FAM78B: variants seen among roughly 807,000 people sequenced by gnomAD.
FAM78B encodes family with sequence similarity 78 member B, also known as protein FAM78B.
Under a neutral mutation model 20.0 loss-of-function variants are expected in FAM78B, and 10 were observed. The ratio of observed to expected loss-of-function variants is 0.50; its 90% confidence interval spans 0.31 to 0.85. The LOEUF is 0.85. Among genes scored for constraint, FAM78B ranks in the 40% least tolerant of loss-of-function variants. The pLI, the probability that FAM78B is intolerant of heterozygous loss-of-function variation, is 0.05. For missense variants in FAM78B, 283 were observed against 345.0 expected, an observed-to-expected ratio of 0.82 and a Z score of 1.42; for synonymous variants, 135 against 132.8, an observed-to-expected ratio of 1.02 and a Z score of -0.12.
At chr1:166,118,469 A>G (rs1266565933) in intron 1 of FAM78B, among the ~76,000 whole-genome samples, 1 of 152,244 alleles carries the variant, frequency 6.6e-6, no homozygotes, top group African/African-American at 2.4e-5. Context: ...GATAAAACAT[A>G]TAGCTTTATT....
chr1:166,109,808 A>ATG (rs1653926673), intron 1 of FAM78B, among the ~76,000 whole-genome samples: 1 of 34,716 alleles, frequency 2.9e-5, no homozygotes, highest in African/African-American at 1.0e-4. Context: ...ATATATATGT[A>ATG]TATATGTATA....
chr1:166,082,218 C>A (rs1183487149), intron 1 of FAM78B, among the ~76,000 whole-genome samples: 1 of 152,126 alleles, frequency 6.6e-6, no homozygotes, highest in Admixed American at 6.5e-5. Flanking sequence ...TCATCCTCAC[C>A]CCCTCCCTTC....
chr1:166,076,378 C>T (rs1011964578), intron 1 of FAM78B, among the ~76,000 whole-genome samples: 4 of 152,096 alleles, frequency 2.6e-5, no homozygotes, highest in Admixed American at 6.6e-5. Flanking sequence ...TTGCACTTAC[C>T]GTTCATTTTG....
chr1:166,164,518 T>C (rs1488462751), intron 1 of FAM78B, among the ~76,000 whole-genome samples: 1 of 152,260 alleles, frequency 6.6e-6, no homozygotes, highest in Non-Finnish European at 1.5e-5. Flanking sequence ...TACAGTGTGC[T>C]GAGGCATATT....
chr1:166,102,699 T>A (rs1653581010), intron 1 of FAM78B, among the ~76,000 whole-genome samples: 1 of 152,126 alleles, frequency 6.6e-6, no homozygotes, highest in Non-Finnish European at 1.5e-5. Context: ...AGCACCCAGA[T>A]TCATAAAGCA....
chr1:166,156,677 T>C (rs1306712559), intron 1 of FAM78B, among the ~76,000 whole-genome samples: 2 of 152,210 alleles, frequency 1.3e-5, no homozygotes, highest in Non-Finnish European at 2.9e-5. Flanking sequence ...AAGAATAAAG[T>C]ACCTTAAAAA....
At chr1:166,078,982 A>G (rs2101720697) in intron 1 of FAM78B, among the ~76,000 whole-genome samples, 1 of 148,936 alleles carries the variant, frequency 6.7e-6, no homozygotes, top group South Asian at 2.1e-4. Flanking sequence ...CCCAGGCTAG[A>G]GCACAGTGGC....
intron 1 of FAM78B, among the ~76,000 whole-genome samples, chr1:166,101,689 C>G (rs1653524842): frequency 6.6e-6 from 1 of 152,106 alleles, no homozygotes; most frequent in South Asian, 2.1e-4. Context: ...AACAAAGCCT[C>G]CAAGAAATAT....
At chr1:166,117,858 G>A (rs1213095275) in intron 1 of FAM78B, among the ~76,000 whole-genome samples, 1 of 152,148 alleles carries the variant, frequency 6.6e-6, no homozygotes. Context: ...AGAGTCAGGA[G>A]CACAGCTGGA....
At chr1:166,075,892 C>A (rs903620420) in intron 1 of FAM78B, among the ~76,000 whole-genome samples, 2 of 152,184 alleles carry the variant, frequency 1.3e-5, no homozygotes, top group Admixed American at 1.3e-4. Flanking sequence ...TATTCACCTG[C>A]CCACTTGCCA....
chr1:166,101,753 G>A (rs376908275), intron 1 of FAM78B, among the ~76,000 whole-genome samples: 13 of 152,058 alleles, frequency 8.5e-5, no homozygotes, highest in African/African-American at 2.2e-4. Flanking sequence ...TGAAAGTGAC[G>A]GGGAGAATGG....
rs2101812355 is a variant in FAM78B at position 166,166,563 on chromosome 1, C to T, written c.-315G>A. The T allele has an allele frequency of 6.6e-6, 1 of 151,358 alleles. No homozygotes were observed. The highest frequency in any genetic ancestry group is 1.5e-5 in the Non-Finnish European group (1 of 67,988). 9.4% of individuals were successfully genotyped at this position (151,358 alleles called of 1,614,324 possible). ...CCCGGGCGGAGGGCAGGGAGGGGAG[C>T]GGCGCTGCGAGGAATGGTGCCCACC... On this transcript the variant is annotated 5_prime_UTR_variant, in exon 1 of 2. Transcript: ENST00000354422.
At chr1:166,058,645 A>G (rs1209560807) in exon 3 of FAM78B, 1 of 152,096 alleles carries the variant, frequency 6.6e-6, no homozygotes, top group Non-Finnish European at 1.5e-5. Flanking sequence ...CAAGTGAAAG[A>G]TAACAAAAGC....
intron 1 of FAM78B, among the ~76,000 whole-genome samples, chr1:166,112,309 C>A (rs796105458): frequency 4.6e-5 from 7 of 152,300 alleles, no homozygotes; most frequent in African/African-American, 1.7e-4. Context: ...CAAAGCAAAG[C>A]AGAATTCTAT....
chr1:166,147,956 T>C (rs1274789088), intron 1 of FAM78B: 1 of 152,186 alleles, frequency 6.6e-6, no homozygotes, highest in Admixed American at 6.5e-5. Flanking sequence ...CTTTTTAATG[T>C]TGCCTGCAAT....
At chr1:166,073,967 C>A (rs1181371797) in intron 1 of FAM78B, among the ~76,000 whole-genome samples, 2 of 152,204 alleles carry the variant, frequency 1.3e-5, no homozygotes, top group Non-Finnish European at 2.9e-5. Context: ...ACTCTTACTG[C>A]CTTCACTTAA....
rs11286787 is a variant in FAM78B, at chr1:166,092,032, ATTTT to A, written c.264-21273_264-21270del. ...GTGTGGTTAACATGATTGAGCCATC[ATTTT>A]TTTTTTTTTTTTTTGCAAAACAAAA... is the stretch of plus-strand genomic sequence containing the variant. On this transcript the variant is annotated intron_variant, in intron 1 of 1. Transcript: ENST00000354422. 1.2e-4 allele frequency among the ~76,000 whole-genome samples: 15 copies of A among 126,010 alleles called. No individual in the cohort carries two copies. In the East Asian group the frequency reaches 1.3e-3, roughly 11 times the overall value. The allele number at this position is 126,010 out of a possible 152,430, so 82.7% of individuals were successfully genotyped here.
rs139308119 is a variant in FAM78B at position 166,127,379 on chromosome 1, T to C, written c.263+38607A>G. Among the ~76,000 whole-genome samples the C allele has an allele frequency of 1.3e-3, 199 of 152,302 alleles. 1 individual carries two copies. The highest frequency in any genetic ancestry group is 4.6e-3 in the African/African-American group (190 of 41,560). On this transcript the variant is annotated intron_variant, in intron 1 of 1. Coordinates refer to ENST00000354422, the MANE Select transcript of FAM78B (RefSeq NM_001017961.5). ...TTGGAATTAAGTCTTTCTCCAGACT[T>C]TGAGCAGAAGGGTTTACCTACGACT... is the stretch of plus-strand genomic sequence containing the variant.
intron 1 of FAM78B, among the ~76,000 whole-genome samples, chr1:166,077,835 AT>A (rs1291480605): frequency 4.2e-5 from 5 of 117,986 alleles, no homozygotes; most frequent in South Asian, 5.3e-4. Flanking sequence ...AATATATATA[AT>A]TTATATATAT....
Sources: allele counts gnomAD v4.1 joint callset (sites outside exome capture counted in the v4.1 genomes callset), GRCh38; gene constraint gnomAD v4.1.1; transcripts MANE v1.5; gene names NCBI Gene and HGNC (gene_info 2026-07-23, HGNC 2026-07-21).